USP48: variants seen among roughly 807,000 people sequenced by gnomAD.
USP48 encodes ubiquitin specific peptidase 48.
A neutral mutation model predicts 150.7 loss-of-function variants in USP48; 43 were observed. The ratio of observed to expected loss-of-function variants is 0.29; its 90% CI spans 0.22 to 0.37. The LOEUF is 0.37. Ranked by LOEUF, USP48 falls within the 10% of genes least tolerant of loss-of-function variation. The pLI, the probability that USP48 is intolerant of heterozygous loss-of-function variation, is 1.00. For synonymous variants in USP48, 396 were observed against 425.9 expected, an observed-to-expected ratio of 0.93 and a Z score of 0.86; for missense variants, 813 against 1,249.6, an observed-to-expected ratio of 0.65 and a Z score of 5.27.
chr1:21,715,936 T>C (rs1242168060), intron 14 of USP48, among the ~76,000 whole-genome samples: 1 of 152,218 alleles, frequency 6.6e-6, no homozygotes, highest in Non-Finnish European at 1.5e-5. Flanking sequence ...AGACCCTCAA[T>C]GGATGCCTAA....
rs776507685 is a variant in USP48, at chr1:21,695,125, G to A, written c.2824C>T (p.Arg942Cys). 3.1e-6 allele frequency: 5 copies of A among 1,613,458 alleles called. No homozygotes were observed. Among genetic ancestry groups the A allele is most frequent in the Non-Finnish European group, 8.5e-7 (1 of 1,179,810 alleles). The change falls in exon 23 of 27, where the codon CGT becomes TGT. Residue 942 changes from arginine (R) to cysteine (C), a missense_variant. Physicochemically the swap from Arg to Cys is radical, Grantham distance 180. Coordinates refer to ENST00000308271, the MANE Select transcript of USP48 (RefSeq NM_032236.8). ...IRRSMRHRKV[R>C]GEKALLVSAN... ...GAAACGAGAAGTGCTTTCTCACCACGAACTTTTCTATGTCGCATACTTCGG... is the reference window on the plus strand; with the variant it reads ...GAAACGAGAAGTGCTTTCTCACCACAAACTTTTCTATGTCGCATACTTCGG...
rs552871216 is a variant in USP48, at chr1:21,716,362, T to C, written c.1895-905A>G. On this transcript the variant is annotated intron_variant, in intron 14 of 26. Transcript: ENST00000308271. ...AGAGGGTTGCTAGGTGACCAGTCAG[T>C]AGCATGTATAGCACAGATAAGCTGG... 1.5e-3 allele frequency among the ~76,000 whole-genome samples: 236 copies of C among 152,302 alleles called. 2 individuals carry two copies. Among genetic ancestry groups the C allele is most frequent in the Non-Finnish European group, 4.3e-4 (29 of 68,040 alleles).
intron 6 of USP48, 91 bp from the exon 7 acceptor site, chr1:21,748,362 G>A: frequency 8.2e-7 from 1 of 1,223,986 alleles, no homozygotes; most frequent in East Asian, 2.6e-5. Flanking sequence ...TTTCATTTCA[G>A]TTAATAGCTC....
At position 21,721,030 on chromosome 1, in the gene USP48, T is replaced by C; in HGVS notation, c.1894+6A>G. On this transcript the variant is annotated splice_donor_region_variant and intron_variant, in intron 14 of 26. Transcript: ENST00000308271. ...CAATGATCTACACATAGGTTTAAAG[T>C]GTTACCTTTATTTAAGGTGCTACCG... 2 of 1,614,136 alleles carry C rather than the reference T, an allele frequency of 1.2e-6. No homozygotes were observed. Among genetic ancestry groups the C allele is most frequent in the Non-Finnish European group, 1.7e-6 (2 of 1,179,978 alleles).
intron 15 of USP48, among the ~76,000 whole-genome samples, chr1:21,712,118 G>C (rs998092702): frequency 1.3e-5 from 2 of 152,226 alleles, no homozygotes; most frequent in East Asian, 3.8e-4. Context: ...CAGCACTTTG[G>C]GAGGCCAAGA....
rs1447299884 is a variant in USP48 at position 21,728,745 on chromosome 1, C to A, written c.1301-26G>T. On this transcript the variant is annotated intron_variant, in intron 10 of 26. Transcript: ENST00000308271. ...CTATTCAAAACAGAAAGACAAAAAA[C>A]AACTTTATTCTTGTTTTCACATATA... The A allele has an allele frequency of 3.1e-6, 5 of 1,611,276 alleles. No individual in the cohort carries two copies. The African/African-American group carries it at 5.4e-5, about 17-fold the overall frequency.
At position 21,743,015 on chromosome 1, in the gene USP48, AT is replaced by A. The variant is rs143809487; in HGVS notation, c.991+4051del. Among the ~76,000 whole-genome samples the A allele has an allele frequency of 4.6e-3, 693 of 152,072 alleles. 5 individuals are homozygous for A. Among genetic ancestry groups the A allele is most frequent in the African/African-American group, 0.015 (641 of 41,500 alleles). On this transcript the variant is annotated intron_variant, in intron 8 of 26. Transcript: ENST00000308271. ...TTTTAACGTTTAAAGTGGTTTAAAA[AT>A]TTTTTTTTAATATTCTGGATACCTT...
rs530768144 is a variant in USP48, at chr1:21,705,777, G to A, written c.2334C>T (p.His778=). 9.9e-6 allele frequency: 16 copies of A among 1,612,702 alleles called. No homozygotes were observed. The highest frequency in any genetic ancestry group is 1.7e-4 in the Middle Eastern group (1 of 6,054). Residue 778 remains histidine, a synonymous_variant, in exon 19 of 27, where the codon CAC becomes CAT. Coordinates refer to ENST00000308271, the MANE Select transcript of USP48 (RefSeq NM_032236.8). Reference sequence around the variant, plus strand: ...AAGCAAATGTAAACATGAGGCCCCCGTGGGGACACAAAAGAGCACTGTTCC... The same window carrying A: ...AAGCAAATGTAAACATGAGGCCCCCATGGGGACACAAAAGAGCACTGTTCC... ...SVGNSALLCP[H]GGLMFTFASM...
chr1:21,690,933 T>A (rs983032944), intron 23 of USP48, among the ~76,000 whole-genome samples: 6 of 152,180 alleles, frequency 3.9e-5, no homozygotes, highest in Non-Finnish European at 5.9e-5. Flanking sequence ...TCACATATTC[T>A]TAGACTGAGT....
At chr1:21,696,947 C>G (rs919582301) in intron 22 of USP48, among the ~76,000 whole-genome samples, 1 of 152,010 alleles carries the variant, frequency 6.6e-6, no homozygotes. Flanking sequence ...CTTCTGCTAA[C>G]CAGGCCAGGG....
chr1:21,737,111 T>C (rs2097770423), intron 8 of USP48, among the ~76,000 whole-genome samples: 1 of 152,228 alleles, frequency 6.6e-6, no homozygotes, highest in African/African-American at 2.4e-5. Flanking sequence ...AAATTTGCTC[T>C]CAAAACAGGT....
At chr1:21,772,644 A>G (rs1254674906) in intron 1 of USP48, among the ~76,000 whole-genome samples, 21 of 145,866 alleles carry the variant, frequency 1.4e-4, no homozygotes, top group Non-Finnish European at 2.6e-4. Flanking sequence ...AAACTAGGCC[A>G]GGCGTGGTGG....
intron 8 of USP48, among the ~76,000 whole-genome samples, chr1:21,741,177 T>C (rs1380957138): frequency 1.3e-5 from 2 of 152,186 alleles, no homozygotes; most frequent in African/African-American, 4.8e-5. Flanking sequence ...CTAGCAGGTT[T>C]TCCTACTAGA....
chr1:21,711,208 C>T (rs1192767175), intron 15 of USP48, among the ~76,000 whole-genome samples: 2 of 152,036 alleles, frequency 1.3e-5, no homozygotes, highest in Non-Finnish European at 2.9e-5. Flanking sequence ...AAAATTAACT[C>T]TAAGTTGGCG....
Position 21,679,275 on chromosome 1 carries a change from A to G in USP48, c.*142T>C, listed in dbSNP as rs886299680. 4.6e-5 allele frequency: 46 copies of G among 995,270 alleles called. No homozygotes were observed. Among genetic ancestry groups the G allele is most frequent in the Middle Eastern group, 2.1e-4 (1 of 4,796 alleles). 61.7% of individuals were successfully genotyped at this position (995,270 alleles called of 1,614,324 possible). A position where few individuals can be genotyped will look rare whatever the true frequency, so the allele number is the denominator to read the frequency against. Reference sequence around the variant, plus strand: ...TTATTTGACATAAGGCATTTGGGACAGTCACGTTTGAATGGATTTCTGCCT... The same window carrying G: ...TTATTTGACATAAGGCATTTGGGACGGTCACGTTTGAATGGATTTCTGCCT... On this transcript the variant is annotated 3_prime_UTR_variant, in exon 27 of 27. Coordinates refer to ENST00000308271, the MANE Select transcript of USP48 (RefSeq NM_032236.8).
chr1:21,703,564 C>A lies in USP48; in HGVS notation c.2570G>T (p.Arg857Leu). The change falls in exon 21 of 27, where the codon CGT becomes CTT. Residue 857 changes from arginine to leucine, a missense_variant. By Grantham distance (102) the Arg-to-Leu change is moderately radical. Coordinates refer to ENST00000308271, the MANE Select transcript of USP48 (RefSeq NM_032236.8). ...ATAGATGGTGGCTTGAGTGTATTCA[C>A]GCAGGTCCCTCTGCTGCTGACACAA... ...GLLCQQQRDL[R>L]EYTQATIYVH... 1 of 1,612,290 alleles carries A rather than the reference C, an allele frequency of 6.2e-7. No individual in the cohort carries two copies. The highest frequency in any genetic ancestry group is 8.5e-7 in the Non-Finnish European group (1 of 1,179,930).
intron 25 of USP48, among the ~76,000 whole-genome samples, chr1:21,681,705 C>A (rs568600160): frequency 6.6e-6 from 1 of 152,330 alleles, no homozygotes; most frequent in Non-Finnish European, 1.5e-5. Flanking sequence ...CCAGCGCTGG[C>A]ATTACTTTTT....
chr1:21,715,193 A>G, intron 15 of USP48, 196 bp downstream of exon 15: 1 of 497,456 alleles, frequency 2.0e-6, no homozygotes. Context: ...TCAATACTTC[A>G]AATTCAAAAG....
In USP48 at chr1:21,690,250, C is replaced by T. The variant is rs1294949762; in HGVS notation, c.2884-151G>A. ...GTTTACAGTCAGCCTACTTGTTATA[C>T]TCCTACTGAGGCTATCGTCCCTATA... On this transcript the variant is annotated intron_variant, in intron 23 of 26. Coordinates refer to ENST00000308271, the MANE Select transcript of USP48 (RefSeq NM_032236.8). The T allele has an allele frequency of 5.4e-6, 5 of 928,642 alleles. No homozygotes were observed. In the East Asian group the frequency reaches 8.0e-5, roughly 15 times the overall value. The allele number at this position is 928,642 out of a possible 1,614,324, so 57.5% of individuals were successfully genotyped here. A position where few individuals can be genotyped will look rare whatever the true frequency, so the allele number is the denominator to read the frequency against.
Sources: gnomAD v4.1 joint callset for allele counts (sites outside exome capture counted in the v4.1 genomes callset) on GRCh38, gnomAD v4.1.1 for gene constraint, MANE v1.5 for transcripts, NCBI Gene and HGNC (gene_info 2026-07-23, HGNC 2026-07-21) for gene names.